CCS: variants seen among roughly 807,000 people sequenced by gnomAD.
CCS encodes the protein superoxide dismutase copper chaperone.
A neutral mutation model predicts 35.5 loss-of-function variants in CCS; 32 were observed. The ratio of observed to expected loss-of-function variants is 0.90; its 90% CI spans 0.68 to 1.21. The LOEUF is 1.21. Ranked by LOEUF, CCS falls within the 50% of genes most tolerant of loss-of-function variation. The pLI, the probability that CCS is intolerant of heterozygous loss-of-function variation, is 0.00. For missense variants in CCS, 342 were observed against 375.4 expected (o/e 0.91, Z 0.73); for synonymous variants, 130 against 147.2 (o/e 0.88, Z 0.84).
rs1858643648 is a variant in CCS, at chr11:66,605,602, G to A, written c.671+10G>A. 2.5e-6 allele frequency: 4 copies of A among 1,611,126 alleles called. No homozygotes were observed. The highest frequency in any genetic ancestry group is 3.4e-6 in the Non-Finnish European group (4 of 1,178,484). On this transcript the variant is annotated intron_variant, in intron 7 of 7. Coordinates refer to ENST00000533244, the MANE Select transcript of CCS (RefSeq NM_005125.2). ...GGAACTCCGGGGAGAGGTGAGTGGT[G>A]TCGGCCCCTGTAGGAGGCTGTGCTC...
intron 4 of CCS, 200 bp from the exon 5 acceptor site, chr11:66,600,289 C>G (rs1297625314): frequency 1.0e-5 from 4 of 398,654 alleles, no homozygotes; most frequent in Non-Finnish European, 1.8e-5. Context: ...ATCTGTGAGT[C>G]CCCTGAGCCA....
chr11:66,600,527 G>T lies in CCS; in HGVS notation c.467G>T (p.Gly156Val). Residue 156 changes from glycine to valine, a missense_variant, in exon 5 of 8, where the codon GGG becomes GTG. By Grantham distance (109) the Gly-to-Val change is moderately radical. Coordinates refer to ENST00000533244, the MANE Select transcript of CCS (RefSeq NM_005125.2). ...NHFNPDGASH[G>V]GPQDSDRHRG... ...TTTAACCCTGATGGAGCATCTCATG[G>T]GGGCCCCCAGGACTCTGACCGGGTA... is the stretch of plus-strand genomic sequence containing the variant. The T allele has an allele frequency of 6.5e-7, 1 of 1,532,246 alleles. No homozygotes were observed. The highest frequency in any genetic ancestry group is 8.8e-7 in the Non-Finnish European group (1 of 1,134,474). The allele number at this position is 1,532,246 out of a possible 1,614,324, so 94.9% of individuals were successfully genotyped here.
intron 2 of CCS, among the ~76,000 whole-genome samples, chr11:66,597,898 G>A (rs545473768): frequency 6.6e-6 from 1 of 152,166 alleles, no homozygotes; most frequent in Admixed American, 6.5e-5. Context: ...TCCAGCCTAG[G>A]TGACAAAGCG....
intron 5 of CCS, 107 bp from the exon 6 acceptor site, chr11:66,605,232 G>C: frequency 2.6e-6 from 4 of 1,559,162 alleles, no homozygotes; most frequent in Non-Finnish European, 3.5e-6. Flanking sequence ...GGAGGAAATG[G>C]GTACTTTAGG....
rs112226260 is a variant in CCS, at chr11:66,604,056, T to A, written c.490-1283T>A. The stretch of plus-strand genomic sequence containing the variant: ...TAAATAAATAAATAAATAAATAAAT[T>A]AATTAATTAAAAGAAATACAAAAAC... On this transcript the variant is annotated intron_variant, in intron 5 of 7. Coordinates refer to ENST00000533244, the MANE Select transcript of CCS (RefSeq NM_005125.2). Among the ~76,000 whole-genome samples the A allele has an allele frequency of 2.2e-3, 321 of 148,648 alleles. 1 individual carries two copies. Among genetic ancestry groups the A allele is most frequent in the African/African-American group, 5.8e-3 (234 of 40,274 alleles).
intron 5 of CCS, among the ~76,000 whole-genome samples, chr11:66,603,918 T>G (rs756452339): frequency 9.9e-5 from 15 of 150,916 alleles, no homozygotes; most frequent in Admixed American, 2.0e-4. Context: ...TCACAGCTAC[T>G]CGGGAAGCTG....
At chr11:66,603,349 C>T (rs184963342) in intron 5 of CCS, among the ~76,000 whole-genome samples, 15 of 152,166 alleles carry the variant, frequency 9.9e-5, no homozygotes, top group Admixed American at 3.9e-4. Context: ...CCGAGGCAGA[C>T]GGATCACTTG....
chr11:66,603,802 C>T (rs943600187), intron 5 of CCS, among the ~76,000 whole-genome samples: 6 of 151,996 alleles, frequency 3.9e-5, no homozygotes, highest in African/African-American at 1.5e-4. Flanking sequence ...GCCGAGGTCG[C>T]GCCACTGCAC....
At chr11:66,595,061 G>A (rs546756983) in intron 2 of CCS, among the ~76,000 whole-genome samples, 2 of 152,284 alleles carry the variant, frequency 1.3e-5, no homozygotes, top group East Asian at 3.9e-4. Flanking sequence ...CCCCCTCTTT[G>A]CCACTTAATG....
rs1413594531 is a variant in CCS at position 66,605,964 on chromosome 11, G to C, written c.*109G>C. 1 of 1,169,114 alleles carries C rather than the reference G, an allele frequency of 8.6e-7. No homozygotes were observed. Among genetic ancestry groups the C allele is most frequent in the East Asian group, 2.7e-5 (1 of 36,608 alleles). The allele number at this position is 1,169,114 out of a possible 1,614,324, so 72.4% of individuals were successfully genotyped here. On this transcript the variant is annotated 3_prime_UTR_variant, in exon 8 of 8. Coordinates refer to ENST00000533244, the MANE Select transcript of CCS (RefSeq NM_005125.2). ...CCAGTCTTTGGAGAGCTCAGTACAG[G>C]GCAGGAGCTGCTGTGGTGTTCCCTT... is the stretch of plus-strand genomic sequence containing the variant.
In CCS at chr11:66,604,339, A is replaced by G. The variant is rs929189050; in HGVS notation, c.490-1000A>G. Among the ~76,000 whole-genome samples the G allele has an allele frequency of 5.3e-5, 8 of 152,164 alleles. No homozygotes were observed. The East Asian group carries it at 1.2e-3, about 22-fold the overall frequency. ...TCCAACGCAGGGCGTAAAAAAAAGT[A>G]CCAGGTGCAGGCAGCAGATATCCCT... On this transcript the variant is annotated intron_variant, in intron 5 of 7. Coordinates refer to ENST00000533244, the MANE Select transcript of CCS (RefSeq NM_005125.2).
chr11:66,603,778 G>T (rs1388345193), intron 5 of CCS, among the ~76,000 whole-genome samples: 2 of 151,848 alleles, frequency 1.3e-5, no homozygotes, highest in African/African-American at 4.8e-5. Context: ...CCTGGGAGGC[G>T]GAGCTTGCAG....
In CCS at chr11:66,593,198, C is replaced by T; in HGVS notation, c.-64C>T. 2 of 1,534,298 alleles carry T rather than the reference C, an allele frequency of 1.3e-6. No homozygotes were observed. The highest frequency in any genetic ancestry group is 1.4e-5 in the African/African-American group (1 of 72,914). The stretch of plus-strand genomic sequence containing the variant: ...CTTTAGAGGCTCAGTCCCCGCGACG[C>T]CGCGCTGGTTGGTGCTCCTGCGCCG... On this transcript the variant is annotated 5_prime_UTR_variant, in exon 1 of 8. Coordinates refer to ENST00000533244, the MANE Select transcript of CCS (RefSeq NM_005125.2).
intron 2 of CCS, among the ~76,000 whole-genome samples, chr11:66,595,616 C>T (rs1349873562): frequency 6.6e-6 from 1 of 151,906 alleles, no homozygotes; most frequent in Non-Finnish European, 1.5e-5. Context: ...CAGGAGGATC[C>T]CCCAGCCCAA....
At chr11:66,596,007 C>T (rs183278448) in intron 2 of CCS, among the ~76,000 whole-genome samples, 2 of 152,314 alleles carry the variant, frequency 1.3e-5, no homozygotes, top group East Asian at 3.9e-4. Flanking sequence ...CTCTCCCTAG[C>T]CTGTGTAAGA....
intron 2 of CCS, among the ~76,000 whole-genome samples, chr11:66,596,792 AG>A (rs540646491): frequency 1.6e-3 from 250 of 152,252 alleles, no homozygotes; most frequent in Middle Eastern, 3.4e-3. Flanking sequence ...GAATTACAGG[AG>A]GGGGAGTGTG....
chr11:66,603,954 G>T (rs993485015), intron 5 of CCS, among the ~76,000 whole-genome samples: 3 of 152,018 alleles, frequency 2.0e-5, no homozygotes, highest in East Asian at 3.9e-4. Context: ...TTGAACCTGG[G>T]GGGTGGGGAG....
At chr11:66,604,245 A>C (rs1225768044) in intron 5 of CCS, among the ~76,000 whole-genome samples, 1 of 151,952 alleles carries the variant, frequency 6.6e-6, no homozygotes, top group Non-Finnish European at 1.5e-5. Flanking sequence ...AAAACAAAAC[A>C]AGCAAAAAAA....
intron 4 of CCS, chr11:66,600,202 G>C: frequency 6.6e-6 from 2 of 301,046 alleles, no homozygotes; most frequent in Non-Finnish European, 1.2e-5. Context: ...AGATGGAAGG[G>C]GACTTCTGGA....
Sources: allele counts gnomAD v4.1 joint callset (sites outside exome capture counted in the v4.1 genomes callset), GRCh38; gene constraint gnomAD v4.1.1; transcripts MANE v1.5; gene names NCBI Gene and HGNC (gene_info 2026-07-23, HGNC 2026-07-21).